CD84: variants seen among roughly 807,000 people sequenced by gnomAD.
CD84 encodes CD84 molecule.
CD84 carries 22 observed loss-of-function variants against 33.8 expected under a neutral mutation model. The observed-to-expected ratio is 0.65, with a 90% CI of 0.46 to 0.93. The LOEUF (loss-of-function observed/expected upper bound fraction) is 0.93, where lower values mean the gene tolerates loss of function less well. Among genes scored for constraint, CD84 ranks in the 40% least tolerant of loss-of-function variants. The pLI is 0.00. For missense variants in CD84, 400 were observed against 397.6 expected, an observed-to-expected ratio of 1.01 and a Z score of -0.05; for synonymous variants, 154 against 145.2, an observed-to-expected ratio of 1.06 and a Z score of -0.44.
chr1:160,572,166 C>T (rs1657733107), intron 1 of CD84, among the ~76,000 whole-genome samples: 1 of 152,158 alleles, frequency 6.6e-6, no homozygotes, highest in African/African-American at 2.4e-5. Context: ...TCTTACTTGA[C>T]TACAAGATGG....
At chr1:160,555,402 T>C (rs1413480985) in intron 2 of CD84, among the ~76,000 whole-genome samples, 4 of 152,202 alleles carry the variant, frequency 2.6e-5, no homozygotes, top group African/African-American at 9.6e-5. Context: ...TTTAAAATTT[T>C]TTTTCATTCT....
intron 4 of CD84, chr1:160,552,669 A>T: frequency 6.7e-7 from 1 of 1,483,448 alleles, no homozygotes; most frequent in Non-Finnish European, 9.2e-7. Context: ...ATCCCTCCCA[A>T]TTGTTATTCA....
rs1320913021 is a variant in CD84, at chr1:160,547,458, C to G, written c.*798G>C. On this transcript the variant is annotated 3_prime_UTR_variant, in exon 7 of 7. Transcript: ENST00000368054. The stretch of plus-strand genomic sequence containing the variant: ...CCTATAAGGCTTCTGAAGTAGCACT[C>G]CAAGAAAAGTGTCCCAGCAGTCTCT... The G allele has an allele frequency of 5.8e-6, 2 of 342,990 alleles. No individual in the cohort carries two copies. The highest frequency in any genetic ancestry group is 1.0e-5 in the Non-Finnish European group (2 of 191,530). The allele number at this position is 342,990 out of a possible 1,614,324, so 21.2% of individuals were successfully genotyped here. A position where few individuals can be genotyped will look rare whatever the true frequency, so the allele number is the denominator to read the frequency against.
In CD84 at chr1:160,563,852, T is replaced by G. The variant is rs376160872; in HGVS notation, c.388+1552A>C. On this transcript the variant is annotated intron_variant, in intron 2 of 6. Transcript: ENST00000368054. ...TTTTACACTTACAGCACATCTCAAT[T>G]TGGACTCACCACATTTCAGATGCTC... is the stretch of plus-strand genomic sequence containing the variant. Among the ~76,000 whole-genome samples the G allele has an allele frequency of 4.3e-4, 66 of 152,298 alleles. No homozygotes were observed. The East Asian group carries it at 0.011, about 25-fold the overall frequency.
chr1:160,557,160 G>C (rs1243785953), intron 2 of CD84, among the ~76,000 whole-genome samples: 2 of 152,146 alleles, frequency 1.3e-5, no homozygotes, highest in Non-Finnish European at 2.9e-5. Flanking sequence ...TTCTATAAGT[G>C]AGGAAACTTT....
At position 160,576,093 on chromosome 1, in the gene CD84, G is replaced by A. The variant is rs116423621; in HGVS notation, c.46+3299C>T. ...GCTTAAATCTCATTCTAATACAGAG[G>A]CCTTGTCCTTATCTTGAAGACCCCT... On this transcript the variant is annotated intron_variant, in intron 1 of 6. Transcript: ENST00000368054. Among the ~76,000 whole-genome samples the A allele has an allele frequency of 3.6e-3, 547 of 152,244 alleles. 5 individuals are homozygous for A. Among genetic ancestry groups the A allele is most frequent in the African/African-American group, 0.013 (532 of 41,532 alleles).
At chr1:160,568,801 A>G (rs376004253) in intron 1 of CD84, among the ~76,000 whole-genome samples, 101 of 152,148 alleles carry the variant, frequency 6.6e-4, no homozygotes, top group African/African-American at 2.4e-3. Flanking sequence ...TTGTATTTTT[A>G]GTAGAGACGG....
At position 160,543,133 on chromosome 1, in the gene CD84, GA is replaced by G. The variant is rs1655628933; in HGVS notation, c.*5122del. ...TTAATTAAATGGGCATTTTCAGCAGGAAAGTTGAGTGGTTATCCAGATAGCA... is the reference window on the plus strand; with the variant it reads ...TTAATTAAATGGGCATTTTCAGCAGGAAGTTGAGTGGTTATCCAGATAGCA... On this transcript the variant is annotated 3_prime_UTR_variant, in exon 7 of 7. Coordinates refer to ENST00000368054, the MANE Select transcript of CD84 (RefSeq NM_003874.4). The G allele has an allele frequency of 6.6e-6, 1 of 152,158 alleles. No individual in the cohort carries two copies. The highest frequency in any genetic ancestry group is 2.4e-5 in the African/African-American group (1 of 41,426). 9.4% of individuals were successfully genotyped at this position (152,158 alleles called of 1,614,324 possible).
chr1:160,575,494 A>AAT lies in CD84; in HGVS notation c.46+3897_46+3898insAT, dbSNP rs5778167. On this transcript the variant is annotated intron_variant, in intron 1 of 6. Transcript: ENST00000368054. ...GGTTTACTTGAATCAGTTCCTTCAA[A>AAT]ACACACACACACACACACACACACA... is the stretch of plus-strand genomic sequence containing the variant. Among the ~76,000 whole-genome samples the AAT allele has an allele frequency of 4.2e-4, 62 of 146,802 alleles. 1 individual carries two copies. In the East Asian group the frequency reaches 0.011, roughly 26 times the overall value.
At chr1:160,553,240 G>A in intron 4 of CD84, 138 bp downstream of exon 4, 1 of 1,335,714 alleles carries the variant, frequency 7.5e-7, no homozygotes, top group Non-Finnish European at 1.1e-6. Context: ...CATCATTCTG[G>A]GAGGTGGTGG....
At position 160,565,553 on chromosome 1, in the gene CD84, T is replaced by C. The variant is rs748607653; in HGVS notation, c.239A>G (p.Asn80Ser). ...TAPVVTVTHRNYYERIHALGP... is the reference protein window; with the variant it reads ...TAPVVTVTHRSYYERIHALGP... ...TAAGGCATGTATCCGTTCATAATAA[T>C]TTCTGTGGGTCACAGTAACTACGGG... The change falls in exon 2 of 7, where the codon AAT (asparagine) becomes AGT (serine). Residue 80 changes from asparagine (N) to serine (S), a missense_variant. By Grantham distance (46) the Asn-to-Ser change is conservative. Coordinates refer to ENST00000368054, the MANE Select transcript of CD84 (RefSeq NM_003874.4). The C allele has an allele frequency of 1.9e-6, 3 of 1,614,012 alleles. No individual in the cohort carries two copies. Among genetic ancestry groups the C allele is most frequent in the Admixed American group, 1.7e-5 (1 of 60,006 alleles).
chr1:160,569,229 A>G (rs1657529169), intron 1 of CD84, among the ~76,000 whole-genome samples: 1 of 152,176 alleles, frequency 6.6e-6, no homozygotes, highest in African/African-American at 2.4e-5. Context: ...GCCTGGAGGG[A>G]CAGTTTCAGG....
At chr1:160,575,071 A>G in intron 1 of CD84, among the ~76,000 whole-genome samples, 1 of 152,002 alleles carries the variant, frequency 6.6e-6, no homozygotes, top group East Asian at 1.9e-4. Context: ...AGACACCTCC[A>G]CCCCCTTACT....
chr1:160,559,546 A>G (rs1469860569), intron 2 of CD84, among the ~76,000 whole-genome samples: 1 of 152,242 alleles, frequency 6.6e-6, no homozygotes, highest in Admixed American at 6.5e-5. Flanking sequence ...TATGCAGACC[A>G]GTGACACTAT....
At position 160,553,344 on chromosome 1, in the gene CD84, A is replaced by C. The variant is rs368635812; in HGVS notation, c.760+34T>G. On this transcript the variant is annotated intron_variant, in intron 4 of 6. Coordinates refer to ENST00000368054, the MANE Select transcript of CD84 (RefSeq NM_003874.4). ...TTCAGTCCCAGGAGGAGAGAAGGTG[A>C]GTTTCCACATTTTACCTTCTGGGAA... 81 of 1,614,032 alleles carry C rather than the reference A, an allele frequency of 5.0e-5. No individual in the cohort carries two copies. The Middle Eastern group carries it at 2.0e-3, about 39-fold the overall frequency.
chr1:160,561,867 C>A (rs75869272), intron 2 of CD84, among the ~76,000 whole-genome samples: 2 of 152,106 alleles, frequency 1.3e-5, no homozygotes, highest in Non-Finnish European at 2.9e-5. Flanking sequence ...TATACACCAA[C>A]AGCAGGCAAG....
At chr1:160,551,063 A>C in intron 4 of CD84, 28 bp from the exon 5 acceptor site, 1 of 1,528,974 alleles carries the variant, frequency 6.5e-7, no homozygotes, top group Non-Finnish European at 9.1e-7. Context: ...ATAGACCCAC[A>C]GTCTGTGAAA....
At chr1:160,575,092 C>A (rs952922278) in intron 1 of CD84, among the ~76,000 whole-genome samples, 1 of 152,112 alleles carries the variant, frequency 6.6e-6, no homozygotes, top group Non-Finnish European at 1.5e-5. Context: ...TTCTTAGGAT[C>A]CTCCAGACAA....
intron 1 of CD84, among the ~76,000 whole-genome samples, chr1:160,577,194 A>T (rs1658035633): frequency 6.6e-6 from 1 of 152,136 alleles, no homozygotes. Flanking sequence ...TATGTCGGTG[A>T]TTTCTGAGGG....
Sources: allele counts gnomAD v4.1 joint callset (sites outside exome capture counted in the v4.1 genomes callset), GRCh38; gene constraint gnomAD v4.1.1; transcripts MANE v1.5; gene names NCBI Gene and HGNC (gene_info 2026-07-23, HGNC 2026-07-21).